The following ZDHHC24 variants were observed in gnomAD, a reference collection of about 807,000 sequenced individuals.
The protein encoded by ZDHHC24 is probable palmitoyltransferase ZDHHC24.
A neutral mutation model predicts 23.2 loss-of-function variants in ZDHHC24; 17 were observed. That is an observed-to-expected ratio of 0.73 (90% CI 0.50 to 1.10). ZDHHC24 has a LOEUF of 1.10. Among genes scored for constraint, ZDHHC24 ranks in the 50% least tolerant of loss-of-function variants. The probability of loss-of-function intolerance (pLI) is 0.00; values close to 1 mark genes in which losing one functional copy is unlikely to be tolerated. For synonymous variants in ZDHHC24, 186 were observed against 194.5 expected, an observed-to-expected ratio of 0.96 and a Z score of 0.36; for missense variants, 366 against 393.0, an observed-to-expected ratio of 0.93 and a Z score of 0.58.
chr11:66,525,808 C>T (rs1415803468), intron 4 of ZDHHC24, among the ~76,000 whole-genome samples: 1 of 152,084 alleles, frequency 6.6e-6, no homozygotes, highest in African/African-American at 2.4e-5. Flanking sequence ...AGAGACCAGA[C>T]ATATTTGTGT....
intron 2 of ZDHHC24, among the ~76,000 whole-genome samples, chr11:66,541,244 A>C (rs1857142382): frequency 6.6e-6 from 1 of 152,068 alleles, no homozygotes; most frequent in African/African-American, 2.4e-5. Flanking sequence ...TGTACTAAAA[A>C]TACAAAAAAT....
At chr11:66,531,444 T>TG (rs1188956700), downstream of ZDHHC24, among the ~76,000 whole-genome samples, 1 of 152,080 alleles carries the variant, frequency 6.6e-6, no homozygotes, top group Non-Finnish European at 1.5e-5. Flanking sequence ...CCAGACTTGG[T>TG]GGGAGTCCAG....
Position 66,543,951 on chromosome 11 carries a change from C to A in ZDHHC24, c.312G>T (p.Pro104=). 6.2e-7 allele frequency: 1 copy of A among 1,613,536 alleles called. No homozygotes were observed. Among genetic ancestry groups the A allele is most frequent in the Non-Finnish European group, 8.5e-7 (1 of 1,179,696 alleles). The change falls in exon 2 of 3, where the codon CCG becomes CCT. Residue 104 remains proline (P), a synonymous_variant. Transcript: ENST00000310442. ...AGGCAGAGCAGTGTCCGCTGCGTGGCGGCACCTGGCTTTGGCATTGGTAGC... is the reference window on the plus strand; with the variant it reads ...AGGCAGAGCAGTGTCCGCTGCGTGGAGGCACCTGGCTTTGGCATTGGTAGC... ...AYCYQCQSQV[P]PRSGHCSACR... is the part of the protein sequence containing the mutation.
downstream of ZDHHC24, chr11:66,531,663 T>G (rs756392580): frequency 6.2e-7 from 1 of 1,614,004 alleles, no homozygotes; most frequent in African/African-American, 1.3e-5. Flanking sequence ...TAGGTACCCT[T>G]GCTGGTGCCA....
At chr11:66,542,783 GT>G (rs1326946936) in intron 2 of ZDHHC24, 1 of 153,252 alleles carries the variant, frequency 6.5e-6, no homozygotes, top group Non-Finnish European at 1.5e-5. Context: ...GGGAGTGAGT[GT>G]TGACCACAAG....
Position 66,526,935 on chromosome 11 carries a change from C to T in ZDHHC24, c.*21+1G>A. The T allele has an allele frequency of 6.3e-7, 1 of 1,595,522 alleles. No individual in the cohort carries two copies. The highest frequency in any genetic ancestry group is 8.5e-7 in the Non-Finnish European group (1 of 1,175,168). On this transcript the variant is annotated splice_donor_variant, in intron 4 of 4. Coordinates refer to the ZDHHC24 transcript ENST00000526986. LOFTEE classifies it low-confidence loss of function (3UTR_SPLICE). Reference sequence around the variant, plus strand: ...CTCGGCCAACTAGGTAGGTCACTCACCTCTGCAAATCCAGGGACAGCCTAG... The same window carrying T: ...CTCGGCCAACTAGGTAGGTCACTCATCTCTGCAAATCCAGGGACAGCCTAG...
intron 4 of ZDHHC24, among the ~76,000 whole-genome samples, chr11:66,521,776 ATG>A (rs1220761021): frequency 1.3e-5 from 2 of 151,572 alleles, no homozygotes; most frequent in East Asian, 3.9e-4. Context: ...ATGGTGGCGC[ATG>A]CCTCTAGCCC....
chr11:66,521,501 A>G, intron 4 of ZDHHC24: 1 of 784,558 alleles, frequency 1.3e-6, no homozygotes, highest in Non-Finnish European at 2.2e-6. Flanking sequence ...TGAGAACTTC[A>G]TAAAGGAGGC....
At chr11:66,532,210 G>T, downstream of ZDHHC24, 1 of 693,656 alleles carries the variant, frequency 1.4e-6, no homozygotes, top group Non-Finnish European at 2.4e-6. Context: ...TAGCAGGTTA[G>T]TGAGTACCTA....
At chr11:66,522,639 C>A (rs1285028254) in intron 4 of ZDHHC24, among the ~76,000 whole-genome samples, 1 of 152,190 alleles carries the variant, frequency 6.6e-6, no homozygotes, top group Admixed American at 6.5e-5. Context: ...AGCCACCACA[C>A]CCGGCCTAAC....
At position 66,543,907 on chromosome 11, in the gene ZDHHC24, C is replaced by G. The variant is rs748243763; in HGVS notation, c.356G>C (p.Arg119Pro). The change falls in exon 2 of 3, where the codon CGT (arginine) becomes CCT (proline). Residue 119 changes from arginine (R) to proline (P), a missense_variant. Transcript: ENST00000310442. ...CAGCAGGCGGCAGTGGTGGTCCCGA[C>G]GCAGGATGCAGACGCGGCAGGCAGA... ...HCSACRVCIL[R>P]RDHHCRLLGR... The G allele has an allele frequency of 1.9e-6, 3 of 1,613,996 alleles. No homozygotes were observed. Among genetic ancestry groups the G allele is most frequent in the Middle Eastern group, 1.7e-4 (1 of 6,050 alleles).
intron 3 of ZDHHC24, chr11:66,529,149 G>C (rs889726705): frequency 2.0e-6 from 2 of 984,138 alleles, no homozygotes; most frequent in African/African-American, 3.5e-5. Flanking sequence ...AGCCAGCCTG[G>C]GGGACCGAGG....
intron 2 of ZDHHC24, among the ~76,000 whole-genome samples, chr11:66,540,233 C>A (rs1857110835): frequency 6.6e-6 from 1 of 152,004 alleles, no homozygotes; most frequent in East Asian, 1.9e-4. Context: ...GCCTTGACAA[C>A]ACGGTAAAAC....
rs370268481 is a variant in ZDHHC24, at chr11:66,543,774, G to A, written c.489C>T (p.Ala163=). Residue 163 remains alanine (A), a synonymous_variant, in exon 2 of 3, where the codon GCC becomes GCT. Transcript: ENST00000310442. The stretch of plus-strand genomic sequence containing the variant: ...GGAGGGGCGTGTGGGCTCGCAGCAG[G>A]GCCGACAGTGCAGGGCCCAGCAGCA... ...VSVLLGPALS[A]LLRAHTPLHM... is the part of the protein sequence containing the mutation. 1 of 1,610,562 alleles carries A rather than the reference G, an allele frequency of 6.2e-7. No individual in the cohort carries two copies. The highest frequency in any genetic ancestry group is 1.3e-5 in the African/African-American group (1 of 74,906).
Position 66,536,031 on chromosome 11 carries a change from ACT to A in ZDHHC24, c.*3496_*3497del, listed in dbSNP as rs1459160788. The A allele has an allele frequency of 6.6e-6, 1 of 152,142 alleles. No individual in the cohort carries two copies. The highest frequency in any genetic ancestry group is 1.5e-5 in the Non-Finnish European group (1 of 68,038). 9.4% of individuals were successfully genotyped at this position (152,142 alleles called of 1,614,324 possible). A position where few individuals can be genotyped will look rare whatever the true frequency, so the allele number is the denominator to read the frequency against. On this transcript the variant is annotated 3_prime_UTR_variant, in exon 3 of 3. Coordinates refer to ENST00000310442, the MANE Select transcript of ZDHHC24 (RefSeq NM_207340.3). ...GAAAAGGCAAACTGTAAAAGAATAA[ACT>A]CTGCATGATTTCATTCATATATTTG... is the stretch of plus-strand genomic sequence containing the variant.
In ZDHHC24 at chr11:66,526,887, C is replaced by T. The variant is rs552512261; in HGVS notation, c.*21+49G>A. The T allele has an allele frequency of 2.2e-5, 36 of 1,612,268 alleles. No homozygotes were observed. The African/African-American group carries it at 4.1e-4, about 19-fold the overall frequency. ...CAAAGCTGGGGGAATGCTGCCCAGCCTCCCTGTGCACTGGGAGGAGATCTC... is the reference window on the plus strand; with the variant it reads ...CAAAGCTGGGGGAATGCTGCCCAGCTTCCCTGTGCACTGGGAGGAGATCTC... On this transcript the variant is annotated intron_variant, in intron 4 of 4. Coordinates refer to the ZDHHC24 transcript ENST00000526986.
At chr11:66,532,102 C>T (rs558073522), downstream of ZDHHC24, 3 of 1,495,178 alleles carry the variant, frequency 2.0e-6, no homozygotes, top group Admixed American at 5.9e-5. Flanking sequence ...TTTAGTGGCC[C>T]CAGGCCCACT....
chr11:66,539,493 C>T lies in ZDHHC24; in HGVS notation c.*36G>A, dbSNP rs747957462. ...CTAGGTGTGGGGGCCCCCCTCTCAC[C>T]CCTTCCTCCCTGCACAGCTCTGGCT... On this transcript the variant is annotated 3_prime_UTR_variant, in exon 3 of 3. Coordinates refer to ENST00000310442, the MANE Select transcript of ZDHHC24 (RefSeq NM_207340.3). 1.3e-6 allele frequency: 2 copies of T among 1,497,112 alleles called. No individual in the cohort carries two copies. The highest frequency in any genetic ancestry group is 2.4e-5 in the Admixed American group (1 of 41,692). 92.7% of individuals were successfully genotyped at this position (1,497,112 alleles called of 1,614,324 possible).
exon 3 of ZDHHC24, chr11:66,529,362 C>T (rs1856663142): frequency 6.7e-7 from 1 of 1,497,490 alleles, no homozygotes; most frequent in Non-Finnish European, 9.0e-7. Context: ...TGGGACCTCC[C>T]TGTGGAGATG....
Sources: gnomAD v4.1 joint callset for allele counts (sites outside exome capture counted in the v4.1 genomes callset) on GRCh38, gnomAD v4.1.1 for gene constraint, MANE v1.5 for transcripts, NCBI Gene and HGNC (gene_info 2026-07-23, HGNC 2026-07-21) for gene names.